Variants in FGF12 observed in about 807,000 individuals in gnomAD.
FGF12 encodes fibroblast growth factor 12B.
In FGF12, 14 loss-of-function variants were observed where a neutral mutation model predicts 23.6. The observed-to-expected ratio is 0.59, with a 90% CI of 0.39 to 0.93. The LOEUF is 0.93. FGF12 is among the 40% of genes least tolerant of loss of function. FGF12 has a pLI of 0.00. For synonymous variants in FGF12, 62 were observed against 77.3 expected (o/e 0.80, Z 1.04); for missense variants, 175 against 217.8 (o/e 0.80, Z 1.24).
chr3:192,474,282 T>C (rs1474083851), intron 2 of FGF12, among the ~76,000 whole-genome samples: 3 of 152,242 alleles, frequency 2.0e-5, no homozygotes, highest in Non-Finnish European at 4.4e-5. Context: ...GTTGTTTTTG[T>C]CAGTTCAGAA....
chr3:192,320,403 C>T (rs1226391516), intron 4 of FGF12, among the ~76,000 whole-genome samples: 1 of 152,138 alleles, frequency 6.6e-6, no homozygotes, highest in Non-Finnish European at 1.5e-5. Context: ...CTGCATTGGA[C>T]AGATCATCCA....
chr3:192,541,069 A>T (rs1560144521), intron 2 of FGF12, among the ~76,000 whole-genome samples: 1 of 151,870 alleles, frequency 6.6e-6, no homozygotes, highest in Non-Finnish European at 1.5e-5. Flanking sequence ...TGTTTTTTTT[A>T]AATCCATTTA....
At position 192,478,894 on chromosome 3, in the gene FGF12, T is replaced by C. The variant is rs540718376; in HGVS notation, c.14-118356A>G. Among the ~76,000 whole-genome samples the C allele has an allele frequency of 2.6e-5, 4 of 152,316 alleles. No homozygotes were observed. In the East Asian group the frequency reaches 7.7e-4, roughly 29 times the overall value. On this transcript the variant is annotated intron_variant, in intron 2 of 5. Coordinates refer to ENST00000445105, the MANE Select transcript of FGF12 (RefSeq NM_004113.6). ...TTGGTGTTGTCCTGATGTTATGTTA[T>C]ATATTTTAATTCTTACTAAAAGTTT... is the stretch of plus-strand genomic sequence containing the variant.
chr3:192,195,170 C>T (rs1005119470), intron 4 of FGF12, among the ~76,000 whole-genome samples: 1 of 152,110 alleles, frequency 6.6e-6, no homozygotes, highest in African/African-American at 2.4e-5. Flanking sequence ...GGGAACAAAA[C>T]AAATTTTTTT....
chr3:192,420,184 A>T (rs1463365994), intron 2 of FGF12, among the ~76,000 whole-genome samples: 1 of 152,134 alleles, frequency 6.6e-6, no homozygotes, highest in Non-Finnish European at 1.5e-5. Context: ...GTGAGCACAG[A>T]ACCAAAGGAA....
chr3:192,250,971 G>A (rs1041634772), intron 4 of FGF12, among the ~76,000 whole-genome samples: 2 of 152,234 alleles, frequency 1.3e-5, no homozygotes, highest in African/African-American at 4.8e-5. Context: ...TCCAGAAAGA[G>A]CAAAAGTGAG....
intron 4 of FGF12, among the ~76,000 whole-genome samples, chr3:192,173,647 C>A (rs1715697615): frequency 6.6e-6 from 1 of 150,904 alleles, no homozygotes; most frequent in African/African-American, 2.4e-5. Context: ...TTTTTTTTCT[C>A]GATCTAGTCC....
At position 192,430,576 on chromosome 3, in the gene FGF12, C is replaced by T. The variant is rs79411914; in HGVS notation, c.14-70038G>A. 1.9e-3 allele frequency among the ~76,000 whole-genome samples: 293 copies of T among 152,318 alleles called. 3 individuals carry two copies. Among genetic ancestry groups the T allele is most frequent in the African/African-American group, 6.8e-3 (283 of 41,562 alleles). On this transcript the variant is annotated intron_variant, in intron 2 of 5. Transcript: ENST00000445105. ...AATGCCTGCAATTATTTCAACCTCA[C>T]CCCTGCCATTTAGGTTTTGATTACC...
intron 2 of FGF12, among the ~76,000 whole-genome samples, chr3:192,592,993 C>T (rs1577069546): frequency 6.6e-6 from 1 of 151,918 alleles, no homozygotes; most frequent in South Asian, 2.1e-4. Flanking sequence ...ACTGTGATTG[C>T]CTCCTCACTG....
At chr3:192,254,415 C>T (rs1428107572) in intron 4 of FGF12, among the ~76,000 whole-genome samples, 2 of 151,788 alleles carry the variant, frequency 1.3e-5, no homozygotes, top group East Asian at 3.9e-4. Flanking sequence ...TGTTTCTATT[C>T]ATGTTGATAG....
intron 2 of FGF12, among the ~76,000 whole-genome samples, chr3:192,558,146 C>T (rs906900184): frequency 6.6e-6 from 1 of 151,670 alleles, no homozygotes; most frequent in African/African-American, 2.4e-5. Context: ...TCTCTGTTCT[C>T]AAATAACATG....
At chr3:192,194,511 A>G (rs1716961932) in intron 4 of FGF12, among the ~76,000 whole-genome samples, 1 of 152,236 alleles carries the variant, frequency 6.6e-6, no homozygotes, top group Non-Finnish European at 1.5e-5. Flanking sequence ...TTTCATTCAC[A>G]GCACTAAACA....
chr3:192,427,889 C>T (rs1008674746), intron 2 of FGF12, among the ~76,000 whole-genome samples: 1 of 152,194 alleles, frequency 6.6e-6, no homozygotes, highest in African/African-American at 2.4e-5. Flanking sequence ...CTCATGCCTG[C>T]TGGCATCTGA....
At chr3:192,264,960 A>G (rs544060926) in intron 4 of FGF12, among the ~76,000 whole-genome samples, 13 of 152,296 alleles carry the variant, frequency 8.5e-5, no homozygotes, top group Admixed American at 8.5e-4. Flanking sequence ...ATTGAAGTAT[A>G]CAGGATATCA....
chr3:192,354,830 C>T (rs1029759801), intron 3 of FGF12, among the ~76,000 whole-genome samples: 3 of 152,046 alleles, frequency 2.0e-5, no homozygotes, highest in Non-Finnish European at 4.4e-5. Flanking sequence ...CTCAGGCTTC[C>T]GAGTAGCTGG....
At chr3:192,164,167 T>G (rs1577192014) in intron 5 of FGF12, among the ~76,000 whole-genome samples, 1 of 152,138 alleles carries the variant, frequency 6.6e-6, no homozygotes, top group Admixed American at 6.6e-5. Flanking sequence ...AGTATTTGAC[T>G]GCTATATCTG....
At chr3:192,616,735 G>A (rs1455544514) in intron 2 of FGF12, among the ~76,000 whole-genome samples, 2 of 151,882 alleles carry the variant, frequency 1.3e-5, no homozygotes, top group Admixed American at 1.3e-4. Context: ...ACGGCATTAT[G>A]TACACCCTCA....
At chr3:192,697,992 C>CT (rs140473560) in intron 2 of FGF12, among the ~76,000 whole-genome samples, 8,316 of 149,290 alleles carry the variant, frequency 0.056, 388 homozygotes, top group East Asian at 0.2. Context: ...CTTGCCTGAT[C>CT]TTTTTTTTTT....
At chr3:192,491,476 T>C (rs1435230621) in intron 2 of FGF12, among the ~76,000 whole-genome samples, 1 of 152,182 alleles carries the variant, frequency 6.6e-6, no homozygotes, top group African/African-American at 2.4e-5. Context: ...AGCTGTAGTG[T>C]AGAAGACTCA....
Sources: allele counts gnomAD v4.1 joint callset (sites outside exome capture counted in the v4.1 genomes callset), GRCh38; gene constraint gnomAD v4.1.1; transcripts MANE v1.5; gene names NCBI Gene and HGNC (gene_info 2026-07-23, HGNC 2026-07-21).